The following RBAK variants were observed in gnomAD, a reference collection of about 807,000 sequenced individuals.
RBAK encodes the protein RB associated KRAB zinc finger.
In RBAK, 39 loss-of-function variants were observed where a neutral mutation model predicts 65.8. The observed-to-expected ratio is 0.59, with a 90% CI of 0.46 to 0.77. The LOEUF is 0.77. RBAK is among the 30% of genes least tolerant of loss of function. RBAK has a pLI of 0.00. For synonymous variants in RBAK, 343 were observed against 289.7 expected, an observed-to-expected ratio of 1.18 and a Z score of -1.87; for missense variants, 884 against 855.1, an observed-to-expected ratio of 1.03 and a Z score of -0.42.
intron 1 of RBAK, among the ~76,000 whole-genome samples, chr7:5,047,335 G>T (rs1419275569): frequency 6.6e-6 from 1 of 152,148 alleles, no homozygotes; most frequent in East Asian, 1.9e-4. Context: ...GGAGGTCGAG[G>T]CTGCAGTGAG....
At chr7:5,047,257 G>C (rs1240733641) in intron 1 of RBAK, among the ~76,000 whole-genome samples, 2 of 152,088 alleles carry the variant, frequency 1.3e-5, no homozygotes, top group Admixed American at 1.3e-4. Context: ...AAAGTAGCCA[G>C]GCATGCTGGG....
At chr7:5,052,310 C>T (rs1339652264) in intron 2 of RBAK, among the ~76,000 whole-genome samples, 5 of 152,140 alleles carry the variant, frequency 3.3e-5, no homozygotes, top group Non-Finnish European at 1.5e-5. Context: ...CAGTCTATTT[C>T]TGCCTCATAA....
At chr7:5,046,581 G>A (rs1787990377) in intron 1 of RBAK, among the ~76,000 whole-genome samples, 185 bp downstream of exon 1, 1 of 152,190 alleles carries the variant, frequency 6.6e-6, no homozygotes, top group Non-Finnish European at 1.5e-5. Flanking sequence ...GGAGGACGAG[G>A]CTTATGGGGG....
chr7:5,055,969 T>C (rs775230484), intron 2 of RBAK, among the ~76,000 whole-genome samples: 11 of 152,220 alleles, frequency 7.2e-5, no homozygotes, highest in Non-Finnish European at 1.5e-4. Flanking sequence ...AATAGGATAA[T>C]GCAGCCTGCT....
At chr7:5,060,896 A>C (rs1031310172) in intron 4 of RBAK, among the ~76,000 whole-genome samples, 2 of 152,198 alleles carry the variant, frequency 1.3e-5, no homozygotes, top group Admixed American at 6.5e-5. Flanking sequence ...TAGCAGCTAA[A>C]AATAGTTTGT....
In RBAK at chr7:5,065,812, C is replaced by A; in HGVS notation, c.*211C>A. 2.6e-6 allele frequency: 1 copy of A among 379,952 alleles called. No individual in the cohort carries two copies. The highest frequency in any genetic ancestry group is 4.7e-6 in the Non-Finnish European group (1 of 214,380). 23.5% of individuals were successfully genotyped at this position (379,952 alleles called of 1,614,324 possible). ...CAGCAAGATCATACGACTCATCGGA[C>A]ACTAATTTATATAGGAGTGAAGTTT... is the stretch of plus-strand genomic sequence containing the variant. On this transcript the variant is annotated 3_prime_UTR_variant, in exon 5 of 5. Coordinates refer to ENST00000396912, the MANE Select transcript of RBAK (RefSeq NM_021163.4). The surrounding 1 kb of genome is among the most constrained non-coding windows in gnomAD (Gnocchi z 5.3).
At chr7:5,057,810 A>C (rs375253186) in intron 4 of RBAK, 31 bp downstream of exon 4, 7 of 1,613,270 alleles carry the variant, frequency 4.3e-6, no homozygotes, top group East Asian at 2.2e-5. Flanking sequence ...AGGTTAAAAA[A>C]TGCTCATCCC....
rs962036997 is a variant in RBAK, at chr7:5,065,286, C to G, written c.1830C>G (p.Leu610=). 3 of 1,613,880 alleles carry G rather than the reference C, an allele frequency of 1.9e-6. No homozygotes were observed. In the African/African-American group the frequency reaches 4.0e-5, roughly 22 times the overall value. Reference sequence around the variant, plus strand: ...AATTCTTCTCTCAGAAATCATATCTCACTATACATCATCGAATTCATTCAG... The same window carrying G: ...AATTCTTCTCTCAGAAATCATATCTGACTATACATCATCGAATTCATTCAG... ...CGKFFSQKSY[L]TIHHRIHSGE... Residue 610 remains leucine, a synonymous_variant, in exon 5 of 5, where the codon CTC becomes CTG. Coordinates refer to ENST00000396912, the MANE Select transcript of RBAK (RefSeq NM_021163.4). The surrounding 1 kb of genome is among the most constrained non-coding windows in gnomAD (Gnocchi z 5.3).
intron 2 of RBAK, among the ~76,000 whole-genome samples, chr7:5,055,405 A>T (rs1406496444): frequency 6.6e-6 from 1 of 152,112 alleles, no homozygotes; most frequent in Non-Finnish European, 1.5e-5. Context: ...GTGTATATAC[A>T]TGTTATTGAT....
rs1208874542 is a variant in RBAK, at chr7:5,046,357, C to G, written c.-84C>G. ...AGCGACAGCAGCCCCGCCCCGGCCTCTCGGGAGCCGTGGGGCAGAGGCTGC... is the reference window on the plus strand; with the variant it reads ...AGCGACAGCAGCCCCGCCCCGGCCTGTCGGGAGCCGTGGGGCAGAGGCTGC... On this transcript the variant is annotated 5_prime_UTR_variant, in exon 1 of 5. Coordinates refer to ENST00000396912, the MANE Select transcript of RBAK (RefSeq NM_021163.4). 1 of 515,970 alleles carries G rather than the reference C, an allele frequency of 1.9e-6. No individual in the cohort carries two copies. The highest frequency in any genetic ancestry group is 3.9e-6 in the Non-Finnish European group (1 of 259,354). 32.0% of individuals were successfully genotyped at this position (515,970 alleles called of 1,614,324 possible).
At chr7:5,056,095 T>C (rs2115034349) in intron 2 of RBAK, among the ~76,000 whole-genome samples, 1 of 150,438 alleles carries the variant, frequency 6.6e-6, no homozygotes, top group East Asian at 1.9e-4. Context: ...CCAGGAGTTT[T>C]GCATTTTTCT....
At chr7:5,046,986 C>T (rs1057080001) in intron 1 of RBAK, among the ~76,000 whole-genome samples, 3 of 152,152 alleles carry the variant, frequency 2.0e-5, no homozygotes, top group Admixed American at 1.3e-4. Context: ...CAGCAATAAC[C>T]AAGTTCAGTT....
rs1787965899 is a variant in RBAK, at chr7:5,045,951, G to A, written c.-490G>A. The stretch of plus-strand genomic sequence containing the variant: ...TGGACGAGAATCGCGGAGCCTGCGG[G>A]GCTGGAGGTTGAGCGCCCGGGCCAG... On this transcript the variant is annotated 5_prime_UTR_variant, in exon 1 of 5. Coordinates refer to ENST00000396912, the MANE Select transcript of RBAK (RefSeq NM_021163.4). 6.1e-6 allele frequency: 2 copies of A among 328,330 alleles called. No homozygotes were observed. Among genetic ancestry groups the A allele is most frequent in the Admixed American group, 4.8e-5 (1 of 20,806 alleles). The allele number at this position is 328,330 out of a possible 1,614,324, so 20.3% of individuals were successfully genotyped here. A position where few individuals can be genotyped will look rare whatever the true frequency, so the allele number is the denominator to read the frequency against.
intron 2 of RBAK, among the ~76,000 whole-genome samples, chr7:5,053,986 A>G (rs1318667035): frequency 6.6e-6 from 1 of 152,122 alleles, no homozygotes; most frequent in African/African-American, 2.4e-5. Flanking sequence ...TACACCTCAC[A>G]TCTGTCTCTG....
At chr7:5,047,817 A>C (rs922851714) in intron 1 of RBAK, among the ~76,000 whole-genome samples, 123 of 151,566 alleles carry the variant, frequency 8.1e-4, no homozygotes, top group African/African-American at 2.7e-3. Flanking sequence ...CATATTGGCC[A>C]AGGAAGGCGG....
intron 2 of RBAK, among the ~76,000 whole-genome samples, chr7:5,049,139 T>A (rs1034105533): frequency 7.2e-5 from 11 of 152,218 alleles, no homozygotes; most frequent in African/African-American, 2.7e-4. Context: ...AAAAATTTCT[T>A]CATTCAAGTT....
chr7:5,055,793 G>A (rs1415941705), intron 2 of RBAK, among the ~76,000 whole-genome samples: 13 of 151,820 alleles, frequency 8.6e-5, no homozygotes, highest in Admixed American at 6.6e-4. Context: ...ACTCTCTCTC[G>A]GTGATTTTAT....
At chr7:5,051,603 C>G (rs1174591190) in intron 2 of RBAK, among the ~76,000 whole-genome samples, 1 of 152,190 alleles carries the variant, frequency 6.6e-6, no homozygotes, top group African/African-American at 2.4e-5. Flanking sequence ...CAGTCTAGGA[C>G]TGTCAATTGC....
At position 5,057,720 on chromosome 7, in the gene RBAK, T is replaced by G; in HGVS notation, c.179T>G (p.Leu60Trp). 1 of 1,613,936 alleles carries G rather than the reference T, an allele frequency of 6.2e-7. No individual in the cohort carries two copies. Among genetic ancestry groups the G allele is most frequent in the Non-Finnish European group, 8.5e-7 (1 of 1,179,856 alleles). Residue 60 changes from leucine to tryptophan, a missense_variant, in exon 4 of 5, where the codon TTG becomes TGG. Coordinates refer to ENST00000396912, the MANE Select transcript of RBAK (RefSeq NM_021163.4). ...ACCAAGCCAAACGTCATCATTAAGT[T>G]GGAGCAGGGAGAGGAGCCGTGGATA... ...DTTKPNVIIKLEQGEEPWIMG... is the reference protein window; with the variant it reads ...DTTKPNVIIKWEQGEEPWIMG...
Sources: allele counts gnomAD v4.1 joint callset (sites outside exome capture counted in the v4.1 genomes callset), GRCh38; gene constraint gnomAD v4.1.1; non-coding constraint Gnocchi (gnomAD v3.1); transcripts MANE v1.5; gene names NCBI Gene and HGNC (gene_info 2026-07-23, HGNC 2026-07-21).